ZDHHC17: variants seen among roughly 807,000 people sequenced by gnomAD.
ZDHHC17 encodes palmitoyltransferase ZDHHC17.
Under a neutral mutation model 90.3 loss-of-function variants are expected in ZDHHC17, and 40 were observed. The observed-to-expected ratio is 0.44, with a 90% CI of 0.34 to 0.58. ZDHHC17 has a LOEUF of 0.58. Ranked by LOEUF, ZDHHC17 falls within the 20% of genes least tolerant of loss-of-function variation. ZDHHC17 has a pLI of 0.01. For missense variants in ZDHHC17, 614 were observed against 780.8 expected (o/e 0.79, Z 2.55); for synonymous variants, 235 against 252.4 (o/e 0.93, Z 0.65).
intron 13 of ZDHHC17, 21 bp from the exon 14 acceptor site, chr12:76,846,575 T>C (rs771515732): frequency 1.9e-6 from 3 of 1,601,566 alleles, no homozygotes; most frequent in Non-Finnish European, 8.5e-7. Flanking sequence ...TGAAAAACCT[T>C]GCTTCTGTGT....
At chr12:76,842,426 T>C (rs1383985115) in intron 11 of ZDHHC17, among the ~76,000 whole-genome samples, 1 of 152,186 alleles carries the variant, frequency 6.6e-6, no homozygotes, top group African/African-American at 2.4e-5. Flanking sequence ...GTTTGCTGAA[T>C]GACTATGTAA....
Position 76,846,588 on chromosome 12 carries a change from T to G in ZDHHC17, c.1424-8T>G. ...GCTGAAAAACCTTGCTTCTGTGTCG[T>G]TCTTCAGGTGCAGGCAACCATAGAT... On this transcript the variant is annotated splice_polypyrimidine_tract_variant and splice_region_variant and intron_variant, in intron 13 of 16. Transcript: ENST00000426126. 1 of 1,610,050 alleles carries G rather than the reference T, an allele frequency of 6.2e-7. No individual in the cohort carries two copies. The highest frequency in any genetic ancestry group is 8.5e-7 in the Non-Finnish European group (1 of 1,177,702).
At chr12:76,822,348 A>G in intron 7 of ZDHHC17, 58 bp from the exon 8 acceptor site, 1 of 1,587,644 alleles carries the variant, frequency 6.3e-7, no homozygotes, top group Non-Finnish European at 8.6e-7. Context: ...CTTTAAAGGT[A>G]ACTAAGATAG....
chr12:76,801,070 T>C (rs1952881888), intron 2 of ZDHHC17, among the ~76,000 whole-genome samples: 1 of 151,514 alleles, frequency 6.6e-6, no homozygotes. Flanking sequence ...GTATTTTTAG[T>C]AGAGACGGGG....
At position 76,802,214 on chromosome 12, in the gene ZDHHC17, G is replaced by T. The variant is rs77099517; in HGVS notation, c.198-3103G>T. ...CCCTCTTTTGAAGGACAATTTTGCT[G>T]AATATAGGATTTTTGGTTGGCATTG... is the stretch of plus-strand genomic sequence containing the variant. On this transcript the variant is annotated intron_variant, in intron 2 of 16. Transcript: ENST00000426126. Among the ~76,000 whole-genome samples, 13 of 152,272 alleles carry T rather than the reference G, an allele frequency of 8.5e-5. No individual in the cohort carries two copies. The South Asian group carries it at 2.3e-3, about 27-fold the overall frequency.
chr12:76,769,682 G>T (rs1952471397), intron 1 of ZDHHC17, among the ~76,000 whole-genome samples: 1 of 151,936 alleles, frequency 6.6e-6, no homozygotes, highest in African/African-American at 2.4e-5. Flanking sequence ...TATATATTAA[G>T]CTTAGTAACT....
chr12:76,776,284 T>A (rs1184455784), intron 1 of ZDHHC17, among the ~76,000 whole-genome samples: 1 of 152,192 alleles, frequency 6.6e-6, no homozygotes, highest in African/African-American at 2.4e-5. Flanking sequence ...GGGTTTTTTT[T>A]AGCCTTAATG....
intron 7 of ZDHHC17, among the ~76,000 whole-genome samples, chr12:76,817,067 A>G (rs191968840): frequency 1.3e-5 from 2 of 152,200 alleles, no homozygotes; most frequent in East Asian, 3.9e-4. Flanking sequence ...TGACTGAGTA[A>G]ATGAAGATTT....
chr12:76,788,878 T>G (rs1341281530), intron 1 of ZDHHC17, among the ~76,000 whole-genome samples: 3 of 151,836 alleles, frequency 2.0e-5, no homozygotes, highest in African/African-American at 7.3e-5. Flanking sequence ...GTATTTTTAG[T>G]AGAGACGGGG....
chr12:76,809,037 T>C lies in ZDHHC17; in HGVS notation c.321-6T>C. The C allele has an allele frequency of 6.7e-7, 1 of 1,495,808 alleles. No homozygotes were observed. The highest frequency in any genetic ancestry group is 8.9e-7 in the Non-Finnish European group (1 of 1,121,558). 92.7% of individuals were successfully genotyped at this position (1,495,808 alleles called of 1,614,324 possible). On this transcript the variant is annotated splice_polypyrimidine_tract_variant and splice_region_variant and intron_variant, in intron 3 of 16. Transcript: ENST00000426126. The stretch of plus-strand genomic sequence containing the variant: ...TATTTAAATTATTATAAATTTTGTC[T>C]TATAGATACTATATTTCGAAAGGTG...
chr12:76,823,208 T>A (rs1344490035), intron 8 of ZDHHC17, among the ~76,000 whole-genome samples: 1 of 152,212 alleles, frequency 6.6e-6, no homozygotes, highest in African/African-American at 2.4e-5. Flanking sequence ...TGATAATAAA[T>A]TGTGAAATAG....
intron 15 of ZDHHC17, 90 bp from the exon 16 acceptor site, chr12:76,849,286 T>C: frequency 6.1e-6 from 4 of 660,506 alleles, no homozygotes; most frequent in Non-Finnish European, 9.5e-6. Flanking sequence ...AATTCGCCAT[T>C]GCATTTTAGC....
chr12:76,801,329 C>T (rs10431470), intron 2 of ZDHHC17, among the ~76,000 whole-genome samples: 59,593 of 150,076 alleles, frequency 0.4, 12,142 homozygotes, highest in East Asian at 0.65. Flanking sequence ...AGCTACTTTT[C>T]TTTGCGGATA....
In ZDHHC17 at chr12:76,809,087, A is replaced by G; in HGVS notation, c.365A>G (p.Asp122Gly). The G allele has an allele frequency of 6.4e-7, 1 of 1,565,858 alleles. No homozygotes were observed. The highest frequency in any genetic ancestry group is 1.2e-5 in the South Asian group (1 of 81,754). The part of the protein sequence containing the change: ...KGAIVDQLGG[D>G]LNSTPLHWAT... The stretch of plus-strand genomic sequence containing the variant: ...GCTATTGTGGATCAACTTGGAGGGG[A>G]CCTGAATTCAACTCCATTGCACTGG... Residue 122 changes from aspartate (D) to glycine (G), a missense_variant, in exon 4 of 17, where the codon GAC (aspartate) becomes GGC (glycine). Coordinates refer to ENST00000426126, the MANE Select transcript of ZDHHC17 (RefSeq NM_015336.4).
At chr12:76,812,762 A>G (rs1178598544) in intron 5 of ZDHHC17, among the ~76,000 whole-genome samples, 1 of 152,004 alleles carries the variant, frequency 6.6e-6, no homozygotes, top group African/African-American at 2.4e-5. Flanking sequence ...TAACATTTCC[A>G]TTCAGTTTTG....
intron 1 of ZDHHC17, among the ~76,000 whole-genome samples, chr12:76,781,900 A>G (rs1306887202): frequency 6.6e-6 from 1 of 152,216 alleles, no homozygotes; most frequent in Admixed American, 6.5e-5. Context: ...GTGATAGGGT[A>G]AGTACTGTAT....
At chr12:76,815,377 G>C (rs995191957) in intron 6 of ZDHHC17, among the ~76,000 whole-genome samples, 167 bp downstream of exon 6, 1 of 151,796 alleles carries the variant, frequency 6.6e-6, no homozygotes, top group African/African-American at 2.4e-5. Flanking sequence ...TCTCTGTGCT[G>C]TCTCTCCCTC....
chr12:76,767,269 T>G (rs562740261), intron 1 of ZDHHC17, among the ~76,000 whole-genome samples: 2 of 152,198 alleles, frequency 1.3e-5, no homozygotes, highest in African/African-American at 4.8e-5. Context: ...CAAATTTCAT[T>G]TCACTTTTTA....
At chr12:76,832,578 A>C (rs1953316578) in intron 10 of ZDHHC17, among the ~76,000 whole-genome samples, 1 of 152,206 alleles carries the variant, frequency 6.6e-6, no homozygotes, top group African/African-American at 2.4e-5. Flanking sequence ...TGTTTTAAAA[A>C]ACTTTATTTA....
Sources: gnomAD v4.1 joint callset for allele counts (sites outside exome capture counted in the v4.1 genomes callset) on GRCh38, gnomAD v4.1.1 for gene constraint, MANE v1.5 for transcripts, NCBI Gene and HGNC (gene_info 2026-07-23, HGNC 2026-07-21) for gene names.